Variants in COL22A1 observed in about 807,000 individuals in gnomAD.
COL22A1 encodes the protein collagen alpha-1(XXII) chain.
COL22A1 carries 221 observed loss-of-function variants against 248.9 expected under a neutral mutation model. That is an observed-to-expected ratio of 0.89 (90% CI 0.80 to 0.99). The LOEUF (loss-of-function observed/expected upper bound fraction) is 0.99, where lower values mean the gene tolerates loss of function less well. Among genes scored for constraint, COL22A1 ranks in the 50% least tolerant of loss-of-function variants. The probability of loss-of-function intolerance (pLI) is 0.00; values close to 1 mark genes in which losing one functional copy is unlikely to be tolerated. For missense variants in COL22A1, 2,240 were observed against 2,179.0 expected (o/e 1.03, Z -0.56); for synonymous variants, 891 against 793.4 (o/e 1.12, Z -2.07).
chr8:138,901,849 T>C (rs1389071331), intron 1 of COL22A1, among the ~76,000 whole-genome samples: 4 of 152,006 alleles, frequency 2.6e-5, no homozygotes, highest in African/African-American at 4.8e-5. Flanking sequence ...CATGTCTGCT[T>C]GGACCTATGT....
At chr8:138,615,616 A>G (rs1054391636) in intron 55 of COL22A1, among the ~76,000 whole-genome samples, 22 of 151,930 alleles carry the variant, frequency 1.4e-4, no homozygotes, top group African/African-American at 5.3e-4. Flanking sequence ...AGTGGTATAC[A>G]ATTAACACAG....
At chr8:138,791,143 C>A (rs1232633763) in intron 12 of COL22A1, among the ~76,000 whole-genome samples, 1 of 152,156 alleles carries the variant, frequency 6.6e-6, no homozygotes, top group Non-Finnish European at 1.5e-5. Flanking sequence ...ATGGGAGGGA[C>A]AAATAGGACA....
intron 20 of COL22A1, 79 bp downstream of exon 20, chr8:138,755,403 G>T: frequency 6.8e-7 from 1 of 1,479,970 alleles, no homozygotes; most frequent in Non-Finnish European, 9.5e-7. Context: ...TCTGAGTTCA[G>T]CCTGAGATCA....
chr8:138,852,804 C>T (rs547078988), intron 3 of COL22A1, among the ~76,000 whole-genome samples: 3 of 151,836 alleles, frequency 2.0e-5, no homozygotes, highest in Non-Finnish European at 2.9e-5. Flanking sequence ...GAGTGTTTCA[C>T]GCAGCAGGGA....
chr8:138,634,795 T>C lies in COL22A1; in HGVS notation c.3609+215A>G, dbSNP rs528015350. 3.9e-5 allele frequency among the ~76,000 whole-genome samples: 6 copies of C among 152,318 alleles called. No individual in the cohort carries two copies. The East Asian group carries it at 1.2e-3, about 29-fold the overall frequency. ...ATGTCCCCCAGTCCCAACATCACTC[T>C]AATTGCATGGTCCATCAAGCCTACT... On this transcript the variant is annotated intron_variant, in intron 49 of 64. Transcript: ENST00000303045.
chr8:138,854,677 C>A (rs534211758), intron 3 of COL22A1, among the ~76,000 whole-genome samples: 2 of 152,330 alleles, frequency 1.3e-5, no homozygotes, highest in East Asian at 3.9e-4. Context: ...TTGCCTATTT[C>A]TATTCCCGTT....
At chr8:138,867,954 A>G (rs752972678) in intron 3 of COL22A1, among the ~76,000 whole-genome samples, 9 of 152,094 alleles carry the variant, frequency 5.9e-5, no homozygotes, top group East Asian at 1.9e-4. Context: ...TAGTACAGAC[A>G]GGGTTTCACC....
At chr8:138,857,534 A>AGCT (rs1173723613) in intron 3 of COL22A1, among the ~76,000 whole-genome samples, 2 of 152,046 alleles carry the variant, frequency 1.3e-5, no homozygotes, top group African/African-American at 2.4e-5. Flanking sequence ...TGGGGCATGG[A>AGCT]GCTGCTCCTG....
chr8:138,673,510 C>T (rs1418223894), intron 41 of COL22A1, among the ~76,000 whole-genome samples: 2 of 152,158 alleles, frequency 1.3e-5, no homozygotes, highest in African/African-American at 2.4e-5. Flanking sequence ...TGCCCGGCCC[C>T]AGCCGGATCT....
Position 138,700,112 on chromosome 8 carries a change from G to A in COL22A1, c.2592C>T (p.Pro864=), listed in dbSNP as rs77613350. 0.018 allele frequency: 28,715 copies of A among 1,613,130 alleles called. 379 individuals carry two copies. Among genetic ancestry groups the A allele is most frequent in the African/African-American group, 0.071 (5,310 of 75,022 alleles). The change falls in exon 32 of 65, where the codon CCC becomes CCT. Residue 864 remains proline (P), a splice_region_variant and synonymous_variant. Transcript: ENST00000303045. The part of the protein sequence containing the change: ...TSLFTPHPRM[P]GEQGPKGEKG... ...ACCCCGAGGCACCGCTACTACTTAC[G>A]GGCATCCGTGGATGTGGTGTGAACA...
intron 41 of COL22A1, among the ~76,000 whole-genome samples, chr8:138,671,136 A>ATTTTTTTT (rs1322369088): frequency 4.6e-5 from 7 of 152,286 alleles, no homozygotes; most frequent in African/African-American, 1.7e-4. Flanking sequence ...ATTTTCAACA[A>ATTTTTTTT]TTTTTAAAAA....
intron 1 of COL22A1, among the ~76,000 whole-genome samples, chr8:138,891,257 C>G (rs1825048764): frequency 1.3e-5 from 2 of 152,156 alleles, no homozygotes; most frequent in African/African-American, 4.8e-5. Context: ...GATTTTCTGT[C>G]TCAGGTGATG....
chr8:138,603,394 G>A (rs1424503170), intron 59 of COL22A1, among the ~76,000 whole-genome samples: 12 of 152,184 alleles, frequency 7.9e-5, no homozygotes, highest in Non-Finnish European at 1.6e-4. Flanking sequence ...AACAAAAGGC[G>A]GCAGGAAAGG....
intron 3 of COL22A1, among the ~76,000 whole-genome samples, chr8:138,849,592 C>T (rs1280028038): frequency 6.6e-6 from 1 of 152,234 alleles, no homozygotes; most frequent in Non-Finnish European, 1.5e-5. Context: ...GGTCACCCAG[C>T]CAATAGGGAT....
At position 138,811,883 on chromosome 8, in the gene COL22A1, GGGTGGA is replaced by G; in HGVS notation, c.1359_1364del (p.Pro456_Pro457del). 4 of 1,568,838 alleles carry G rather than the reference GGGTGGA, an allele frequency of 2.5e-6. No individual in the cohort carries two copies. The highest frequency in any genetic ancestry group is 3.5e-6 in the Non-Finnish European group (4 of 1,157,606). On this transcript the variant is annotated inframe_deletion, in exon 9 of 65. Transcript: ENST00000303045. ...CTGGGGTGGGAGGCCGCTGGGGTGG[GGGTGGA>G]GGTGGAGGCTCTGTCACCACGGTCA...
At position 138,780,989 on chromosome 8, in the gene COL22A1, A is replaced by G. The variant is rs1814927207; in HGVS notation, c.1597-9T>C. The G allele has an allele frequency of 1.9e-6, 3 of 1,580,154 alleles. No individual in the cohort carries two copies. Among genetic ancestry groups the G allele is most frequent in the African/African-American group, 2.7e-5 (2 of 73,292 alleles). On this transcript the variant is annotated splice_polypyrimidine_tract_variant and intron_variant, in intron 12 of 64. Transcript: ENST00000303045. The stretch of plus-strand genomic sequence containing the variant: ...GGCAGGCCCAGGGAACCCTAAAGCC[A>G]AAAAAAGAGAATAGCAATTAGTAAA...
chr8:138,832,936 T>A, intron 5 of COL22A1, 103 bp downstream of exon 5: 1 of 743,380 alleles, frequency 1.3e-6, no homozygotes, highest in Non-Finnish European at 2.3e-6. Context: ...CTGAGAAGGT[T>A]AAAGCCCGGC....
At chr8:138,691,018 C>G (rs1826804913) in intron 35 of COL22A1, 144 bp from the exon 36 acceptor site, 1 of 603,150 alleles carries the variant, frequency 1.7e-6, no homozygotes, top group Non-Finnish European at 2.8e-6. Flanking sequence ...AGACGTGAAC[C>G]TCCTCTCCGG....
intron 48 of COL22A1, 44 bp from the exon 49 acceptor site, chr8:138,635,107 T>C (rs777309035): frequency 4.8e-6 from 7 of 1,456,160 alleles, no homozygotes; most frequent in Admixed American, 4.0e-5. Flanking sequence ...ACTTGAAAAA[T>C]ACTTTTTACT....
Sources: allele counts gnomAD v4.1 joint callset (sites outside exome capture counted in the v4.1 genomes callset), GRCh38; gene constraint gnomAD v4.1.1; transcripts MANE v1.5; gene names NCBI Gene and HGNC (gene_info 2026-07-23, HGNC 2026-07-21).